The following TBC1D1 variants were observed in gnomAD, a reference collection of about 807,000 sequenced individuals.
TBC1D1 encodes TBC1 domain family member 1, also known as TBC1 (tre-2/USP6, BUB2, cdc16) domain family, member 1.
TBC1D1 carries 89 observed loss-of-function variants against 125.6 expected under a neutral mutation model. The ratio of observed to expected loss-of-function variants is 0.71; its 90% CI spans 0.60 to 0.85. The LOEUF (loss-of-function observed/expected upper bound fraction) is 0.85, where lower values mean the gene tolerates loss of function less well. Among genes scored for constraint, TBC1D1 ranks in the 40% least tolerant of loss-of-function variants. The probability of loss-of-function intolerance (pLI) is 0.00; values close to 1 mark genes in which losing one functional copy is unlikely to be tolerated. For synonymous variants in TBC1D1, 565 were observed against 564.1 expected, an observed-to-expected ratio of 1.00 and a Z score of -0.02; for missense variants, 1,377 against 1,469.2, an observed-to-expected ratio of 0.94 and a Z score of 1.03.
intron 2 of TBC1D1, among the ~76,000 whole-genome samples, chr4:37,912,307 C>T (rs899076502): frequency 1.9e-4 from 29 of 152,164 alleles, no homozygotes; most frequent in Non-Finnish European, 1.9e-4. Context: ...GGCAGTTTCC[C>T]AGGCCAATGG....
At chr4:37,955,162 T>C (rs1728683870) in intron 2 of TBC1D1, among the ~76,000 whole-genome samples, 1 of 152,126 alleles carries the variant, frequency 6.6e-6, no homozygotes, top group Non-Finnish European at 1.5e-5. Context: ...TTAAAAACCA[T>C]GTATAATCTA....
intron 12 of TBC1D1, among the ~76,000 whole-genome samples, chr4:38,077,421 TC>T: frequency 6.6e-6 from 1 of 152,326 alleles, no homozygotes; most frequent in East Asian, 1.9e-4. Flanking sequence ...GTTTTTGTTA[TC>T]TTTTATTGAT....
At chr4:38,039,849 C>A (rs1359082912) in intron 8 of TBC1D1, among the ~76,000 whole-genome samples, 1 of 152,098 alleles carries the variant, frequency 6.6e-6, no homozygotes, top group African/African-American at 2.4e-5. Flanking sequence ...CACGGTGGCT[C>A]ACGCCTGTAA....
chr4:38,003,345 A>G (rs6841833), intron 2 of TBC1D1, among the ~76,000 whole-genome samples: 7,643 of 152,258 alleles, frequency 0.05, 243 homozygotes, highest in Non-Finnish European at 0.079. Flanking sequence ...CCTCAGCCCC[A>G]TTTTAATCAG....
At position 38,042,870 on chromosome 4, in the gene TBC1D1, T is replaced by C. The variant is rs936827062; in HGVS notation, c.1414-1492T>C. On this transcript the variant is annotated intron_variant, in intron 8 of 19. Coordinates refer to ENST00000261439, the MANE Select transcript of TBC1D1 (RefSeq NM_015173.4). ...CTTGAAATAACTGCAACAAAGAATA[T>C]ATCAGTATTTAGAGTAATGGGGGAT... Among the ~76,000 whole-genome samples, 4 of 152,148 alleles carry C rather than the reference T, an allele frequency of 2.6e-5. No homozygotes were observed. The East Asian group carries it at 7.7e-4, about 29-fold the overall frequency.
intron 2 of TBC1D1, among the ~76,000 whole-genome samples, chr4:37,931,766 G>A (rs1723314990): frequency 6.6e-6 from 1 of 152,188 alleles, no homozygotes; most frequent in South Asian, 2.1e-4. Context: ...ATGAGCCACT[G>A]CGCCCGGCCT....
chr4:37,952,865 T>A (rs1728176680), intron 2 of TBC1D1: 3 of 152,256 alleles, frequency 2.0e-5, no homozygotes, highest in Admixed American at 6.5e-5. Flanking sequence ...CATGGCCCTG[T>A]CGTTTGCACA....
intron 15 of TBC1D1, chr4:38,110,230 G>A: frequency 5.1e-6 from 5 of 985,438 alleles, no homozygotes; most frequent in South Asian, 9.4e-5. Context: ...ATGGGATGGG[G>A]TTTCTCACAG....
At chr4:38,011,593 T>TCAATTATCTC (rs1429661125) in intron 2 of TBC1D1, among the ~76,000 whole-genome samples, 1 of 152,190 alleles carries the variant, frequency 6.6e-6, no homozygotes, top group Non-Finnish European at 1.5e-5. Flanking sequence ...TTGTTAGACC[T>TCAATTATCTC]CAATTATCTC....
intron 2 of TBC1D1, among the ~76,000 whole-genome samples, chr4:37,984,076 G>A (rs1005797152): frequency 6.6e-5 from 10 of 151,988 alleles, no homozygotes; most frequent in African/African-American, 2.2e-4. Context: ...AGTTTCCTGT[G>A]TGCTTTTTTT....
chr4:37,993,861 C>T (rs1016780359), intron 2 of TBC1D1, among the ~76,000 whole-genome samples: 38 of 152,242 alleles, frequency 2.5e-4, no homozygotes, highest in African/African-American at 7.2e-4. Context: ...GCATTAAGGG[C>T]GTGAGCCACC....
chr4:37,995,979 A>G lies in TBC1D1; in HGVS notation c.418-18530A>G. On this transcript the variant is annotated intron_variant, in intron 2 of 19. Transcript: ENST00000261439. The surrounding 1 kb of genome is among the most constrained non-coding windows in gnomAD (Gnocchi z 4.3). ...TTTCTTCTCTTGCCTCTCTGTTTCT[A>G]CCTCATCCTTGGGTGGGGGTTCTGG... 5.5e-6 allele frequency: 3 copies of G among 544,842 alleles called. No individual in the cohort carries two copies. Among genetic ancestry groups the G allele is most frequent in the African/African-American group, 1.9e-5 (1 of 52,740 alleles). The allele number at this position is 544,842 out of a possible 1,614,324, so 33.8% of individuals were successfully genotyped here.
At chr4:38,007,119 AG>A (rs1406944366) in intron 2 of TBC1D1, 1 of 248,252 alleles carries the variant, frequency 4.0e-6, no homozygotes, top group Non-Finnish European at 8.6e-6. Context: ...TTGAGTGGCA[AG>A]GAACTGGAGT....
At chr4:38,115,988 A>G (rs573427630) in intron 16 of TBC1D1, 34 bp downstream of exon 18, 21 of 1,603,034 alleles carry the variant, frequency 1.3e-5, no homozygotes, top group Non-Finnish European at 1.7e-5. Context: ...TAATACAACA[A>G]AATGCTAAGA....
intron 2 of TBC1D1, among the ~76,000 whole-genome samples, chr4:37,906,453 CTTT>C (rs1676967366): frequency 6.6e-6 from 1 of 152,182 alleles, no homozygotes; most frequent in Admixed American, 6.5e-5. Flanking sequence ...TGGCCTCATC[CTTT>C]CTTAAAATGA....
intron 17 of TBC1D1, among the ~76,000 whole-genome samples, chr4:38,119,045 CT>C (rs985435124): frequency 1.3e-5 from 2 of 151,830 alleles, no homozygotes; most frequent in South Asian, 2.1e-4. Context: ...AATTCAGGTT[CT>C]TTTTTTTATT....
chr4:37,944,786 G>A (rs1256288878), intron 2 of TBC1D1, among the ~76,000 whole-genome samples: 1 of 152,188 alleles, frequency 6.6e-6, no homozygotes, highest in Admixed American at 6.5e-5. Context: ...TGCTTCCCAG[G>A]TGAGGCGATG....
intron 2 of TBC1D1, among the ~76,000 whole-genome samples, chr4:37,948,349 G>T (rs1434617440): frequency 6.6e-6 from 1 of 152,218 alleles, no homozygotes; most frequent in Non-Finnish European, 1.5e-5. Flanking sequence ...ATTTGAGGCT[G>T]GGCGTGGTGG....
chr4:37,897,643 T>G (rs1017488511), intron 1 of TBC1D1, among the ~76,000 whole-genome samples: 1 of 152,216 alleles, frequency 6.6e-6, no homozygotes, highest in Non-Finnish European at 1.5e-5. Flanking sequence ...AGAAGGAAAT[T>G]GAAAGTAATT....
Sources: allele counts gnomAD v4.1 joint callset (sites outside exome capture counted in the v4.1 genomes callset), GRCh38; gene constraint gnomAD v4.1.1; non-coding constraint Gnocchi (gnomAD v3.1); transcripts MANE v1.5; gene names NCBI Gene and HGNC (gene_info 2026-07-23, HGNC 2026-07-21).